HMGCLL1: variants seen among roughly 807,000 people sequenced by gnomAD.
HMGCLL1 encodes 3-hydroxymethyl-3-methylglutaryl-CoA lyase, cytoplasmic.
A neutral mutation model predicts 39.1 loss-of-function variants in HMGCLL1; 36 were observed. That is an observed-to-expected ratio of 0.92 (90% CI 0.71 to 1.22). The LOEUF (loss-of-function observed/expected upper bound fraction) is 1.22. HMGCLL1 is among the 50% of genes most tolerant of loss of function. The pLI is 0.00. For synonymous variants in HMGCLL1, 149 were observed against 144.0 expected, an observed-to-expected ratio of 1.03 and a Z score of -0.25; for missense variants, 451 against 416.5, an observed-to-expected ratio of 1.08 and a Z score of -0.72.
At chr6:55,566,514 A>G in intron 1 of HMGCLL1, 1 of 425,008 alleles carries the variant, frequency 2.4e-6, no homozygotes, top group Non-Finnish European at 4.7e-6. Flanking sequence ...TATTGGTGGA[A>G]AAAAGAGCCC....
At chr6:55,502,037 T>C (rs924294728) in intron 5 of HMGCLL1, among the ~76,000 whole-genome samples, 1 of 151,854 alleles carries the variant, frequency 6.6e-6, no homozygotes, top group Admixed American at 6.6e-5. Context: ...TCCTTATTTC[T>C]GGTTCAATGT....
At chr6:55,623,293 G>T in the HMGCLL1 span, among the ~76,000 whole-genome samples, 1 of 151,198 alleles carries the variant, frequency 6.6e-6, no homozygotes, top group African/African-American at 2.4e-5. Flanking sequence ...CTAATTTGGG[G>T]TTTGATTTGC....
chr6:55,499,147 G>T, intron 6 of HMGCLL1, 89 bp downstream of exon 6: 1 of 1,006,798 alleles, frequency 9.9e-7, no homozygotes, highest in Non-Finnish European at 1.5e-6. Flanking sequence ...TTCATGCTAT[G>T]CAGATTCAAT....
chr6:55,604,495 C>A, the HMGCLL1 span, among the ~76,000 whole-genome samples: 1 of 152,054 alleles, frequency 6.6e-6, no homozygotes, highest in South Asian at 2.1e-4. Context: ...ATTTTAAACG[C>A]TGCATTTATT....
intron 2 of HMGCLL1, 98 bp from the exon 3 acceptor site, chr6:55,541,934 A>T: frequency 1.1e-6 from 1 of 947,010 alleles, no homozygotes; most frequent in Non-Finnish European, 1.6e-6. Context: ...ATTATTTGTA[A>T]TTTACAAATT....
At chr6:55,647,587 G>T in the HMGCLL1 span, among the ~76,000 whole-genome samples, 2 of 151,118 alleles carry the variant, frequency 1.3e-5, no homozygotes, top group Admixed American at 6.6e-5. Flanking sequence ...TTACCATGAG[G>T]CTTGCAAACA....
At chr6:55,630,244 A>T in the HMGCLL1 span, among the ~76,000 whole-genome samples, 1 of 152,046 alleles carries the variant, frequency 6.6e-6, no homozygotes, top group Non-Finnish European at 1.5e-5. Flanking sequence ...ATCAAAGGAG[A>T]TCATTTTTGG....
chr6:55,633,770 T>C, the HMGCLL1 span, among the ~76,000 whole-genome samples: 1 of 151,998 alleles, frequency 6.6e-6, no homozygotes, highest in Non-Finnish European at 1.5e-5. Flanking sequence ...GACGTTAAAC[T>C]GTGGGCAATG....
rs375003427 is a variant in HMGCLL1, at chr6:55,578,930, T to C, written c.108+18A>G. 6.3e-6 allele frequency: 10 copies of C among 1,593,022 alleles called. No homozygotes were observed. Among genetic ancestry groups the C allele is most frequent in the African/African-American group, 1.3e-5 (1 of 74,134 alleles). On this transcript the variant is annotated intron_variant, in intron 1 of 8. Coordinates refer to ENST00000274901, the MANE Select transcript of HMGCLL1 (RefSeq NM_001042406.2). ...TGTGCGCATGAGGGTGGGGACACCC[T>C]GGGCCGCGAGGTGGTACCTGCGCGG...
rs1273253038 is a variant in HMGCLL1, at chr6:55,434,725, A to G, written c.*937T>C. The G allele has an allele frequency of 6.6e-6, 1 of 152,074 alleles. No individual in the cohort carries two copies. The highest frequency in any genetic ancestry group is 1.9e-4 in the East Asian group (1 of 5,182). 9.4% of individuals were successfully genotyped at this position (152,074 alleles called of 1,614,324 possible). ...AAAATAACCACTAAAAAATACACCA[A>G]AAAATAATGTGGGTAAGCAAAGCAC... On this transcript the variant is annotated 3_prime_UTR_variant, in exon 9 of 9. Transcript: ENST00000274901.
At chr6:55,616,302 T>C in the HMGCLL1 span, among the ~76,000 whole-genome samples, 1 of 152,090 alleles carries the variant, frequency 6.6e-6, no homozygotes, top group Non-Finnish European at 1.5e-5. Context: ...CTTGGAATCC[T>C]AAGGCCATCA....
intron 1 of HMGCLL1, among the ~76,000 whole-genome samples, chr6:55,542,445 C>T (rs531781839): frequency 2.3e-4 from 35 of 151,806 alleles, no homozygotes; most frequent in African/African-American, 5.3e-4. Flanking sequence ...TGGGTGATTC[C>T]GCATATGACA....
chr6:55,500,284 G>GTATCAGATT (rs1766807997), intron 5 of HMGCLL1, among the ~76,000 whole-genome samples: 1 of 151,976 alleles, frequency 6.6e-6, no homozygotes, highest in Non-Finnish European at 1.5e-5. Context: ...ACGTAAGGTA[G>GTATCAGATT]TGGCAAGATC....
intron 1 of HMGCLL1, among the ~76,000 whole-genome samples, chr6:55,564,115 T>G (rs973373335): frequency 6.6e-6 from 1 of 152,230 alleles, no homozygotes; most frequent in South Asian, 2.1e-4. Context: ...CTCCTGAGAC[T>G]CCTCATTTCC....
At chr6:55,507,248 T>C (rs188039522) in intron 5 of HMGCLL1, among the ~76,000 whole-genome samples, 179 of 151,862 alleles carry the variant, frequency 1.2e-3, no homozygotes, top group Non-Finnish European at 2.1e-3. Flanking sequence ...ATTATACATA[T>C]GTATGTAAAG....
At chr6:55,525,046 T>G (rs769606880) in intron 3 of HMGCLL1, among the ~76,000 whole-genome samples, 4 of 151,690 alleles carry the variant, frequency 2.6e-5, no homozygotes, top group Non-Finnish European at 5.9e-5. Flanking sequence ...AATTGAGGAA[T>G]AGTATTTAAA....
the HMGCLL1 span, among the ~76,000 whole-genome samples, chr6:55,663,815 T>C: frequency 1.3e-4 from 20 of 151,880 alleles, no homozygotes; most frequent in Non-Finnish European, 8.8e-5. Flanking sequence ...TAAGTCTCTT[T>C]GTAGAGCTCT....
chr6:55,676,973 A>T, the HMGCLL1 span, among the ~76,000 whole-genome samples: 6 of 152,244 alleles, frequency 3.9e-5, no homozygotes, highest in Admixed American at 3.9e-4. Context: ...AGCAACTAGC[A>T]CATAGTTATA....
intron 7 of HMGCLL1, among the ~76,000 whole-genome samples, chr6:55,469,225 G>A (rs138486327): frequency 1.9e-4 from 29 of 150,732 alleles, no homozygotes; most frequent in African/African-American, 6.8e-4. Context: ...TCTATAATTT[G>A]TTGATCTTGA....
Sources: allele counts gnomAD v4.1 joint callset (sites outside exome capture counted in the v4.1 genomes callset), GRCh38; gene constraint gnomAD v4.1.1; transcripts MANE v1.5; gene names NCBI Gene and HGNC (gene_info 2026-07-23, HGNC 2026-07-21).